The following TMTC2 variants were observed in gnomAD, a reference collection of about 807,000 sequenced individuals.
The protein encoded by TMTC2 is protein O-mannosyl-transferase TMTC2.
A neutral mutation model predicts 82.4 loss-of-function variants in TMTC2; 43 were observed. The ratio of observed to expected loss-of-function variants is 0.52; its 90% CI spans 0.41 to 0.67. TMTC2 has a LOEUF of 0.67. TMTC2 is among the 30% of genes least tolerant of loss of function. The pLI, the probability that TMTC2 is intolerant of heterozygous loss-of-function variation, is 0.00. For missense variants in TMTC2, 919 were observed against 1,012.4 expected, an observed-to-expected ratio of 0.91 and a Z score of 1.25; for synonymous variants, 408 against 381.9, an observed-to-expected ratio of 1.07 and a Z score of -0.80.
intron 8 of TMTC2, among the ~76,000 whole-genome samples, chr12:82,996,232 G>A (rs564216186): frequency 1.3e-5 from 2 of 152,282 alleles, no homozygotes; most frequent in African/African-American, 2.4e-5. Flanking sequence ...TGAATGTGAT[G>A]TATATAGTTT....
chr12:82,888,914 A>G (rs549597597), intron 2 of TMTC2, among the ~76,000 whole-genome samples: 1 of 152,234 alleles, frequency 6.6e-6, no homozygotes, highest in Non-Finnish European at 1.5e-5. Flanking sequence ...ATATTAGAAC[A>G]TGGAAAATAT....
At chr12:82,737,852 G>A (rs1875201213) in intron 1 of TMTC2, among the ~76,000 whole-genome samples, 1 of 152,120 alleles carries the variant, frequency 6.6e-6, no homozygotes, top group South Asian at 2.1e-4. Flanking sequence ...TGTTTCTAAT[G>A]CCTAAATACC....
At chr12:83,041,237 T>G (rs1881884175) in intron 9 of TMTC2, among the ~76,000 whole-genome samples, 1 of 152,154 alleles carries the variant, frequency 6.6e-6, no homozygotes, top group Admixed American at 6.5e-5. Context: ...AAGAATTGAA[T>G]TAAGATGTAG....
chr12:82,731,578 T>C (rs758336486), intron 1 of TMTC2, among the ~76,000 whole-genome samples: 25 of 152,216 alleles, frequency 1.6e-4, no homozygotes, highest in Non-Finnish European at 3.5e-4. Flanking sequence ...GACATAGAAA[T>C]ACTTGATAAT....
At chr12:83,068,224 C>T (rs1188537807) in intron 11 of TMTC2, among the ~76,000 whole-genome samples, 1 of 151,940 alleles carries the variant, frequency 6.6e-6, no homozygotes, top group African/African-American at 2.4e-5. Flanking sequence ...GTGGAAATAA[C>T]CACTAAGACT....
chr12:83,042,259 C>A (rs1229974202), intron 9 of TMTC2, among the ~76,000 whole-genome samples: 1 of 152,130 alleles, frequency 6.6e-6, no homozygotes, highest in Non-Finnish European at 1.5e-5. Context: ...CTCAGAGGAG[C>A]GGGCTCCTTT....
chr12:82,786,836 GTTT>G, intron 1 of TMTC2, among the ~76,000 whole-genome samples: 1 of 152,184 alleles, frequency 6.6e-6, no homozygotes, highest in Non-Finnish European at 1.5e-5. Context: ...TACAATAAAA[GTTT>G]TTGTTTTTGT....
intron 3 of TMTC2, among the ~76,000 whole-genome samples, chr12:82,925,241 AT>A (rs1373640429): frequency 1.3e-5 from 2 of 152,100 alleles, no homozygotes; most frequent in African/African-American, 4.8e-5. Flanking sequence ...CATTTATTTT[AT>A]TGTATAGATC....
At chr12:82,872,860 T>A (rs1281299825) in intron 2 of TMTC2, among the ~76,000 whole-genome samples, 2 of 152,182 alleles carry the variant, frequency 1.3e-5, no homozygotes, top group Admixed American at 6.6e-5. Context: ...TTGATTTTTT[T>A]AAAAATTACT....
chr12:83,050,737 G>A (rs1882315397), intron 9 of TMTC2, among the ~76,000 whole-genome samples, 167 bp from the exon 10 acceptor site: 1 of 152,038 alleles, frequency 6.6e-6, no homozygotes, highest in Admixed American at 6.6e-5. Context: ...ACCTTGAAAT[G>A]TTCCATAGTT....
intron 1 of TMTC2, among the ~76,000 whole-genome samples, chr12:82,723,549 C>T (rs1874307108): frequency 2.0e-5 from 3 of 152,142 alleles, no homozygotes; most frequent in Non-Finnish European, 4.4e-5. Context: ...GTTTCATGTA[C>T]ACCTCATATA....
chr12:83,000,142 T>G (rs1480270779), intron 8 of TMTC2, among the ~76,000 whole-genome samples: 6 of 10,570 alleles, frequency 5.7e-4, no homozygotes, highest in Admixed American at 2.5e-3. Context: ...GGGCAGTCAA[T>G]TTTTTTTTTT....
intron 4 of TMTC2, among the ~76,000 whole-genome samples, chr12:82,940,756 T>C (rs1336431325): frequency 7.0e-5 from 1 of 14,272 alleles, no homozygotes; most frequent in African/African-American, 5.6e-4. Flanking sequence ...TACCTATACA[T>C]CCTTTTTTTT....
intron 1 of TMTC2, among the ~76,000 whole-genome samples, chr12:82,830,311 C>T (rs546288995): frequency 6.6e-6 from 1 of 151,928 alleles, no homozygotes; most frequent in South Asian, 2.1e-4. Flanking sequence ...GTTAATTGAT[C>T]CTCGAACAAA....
intron 1 of TMTC2, among the ~76,000 whole-genome samples, chr12:82,701,973 T>C (rs1873105928): frequency 6.6e-6 from 1 of 152,164 alleles, no homozygotes. Context: ...GGTGATCTAC[T>C]ACCGGAGGCA....
rs948231868 is a variant in TMTC2 at position 83,134,778 on chromosome 12, G to C, written c.*2389G>C. On this transcript the variant is annotated 3_prime_UTR_variant, in exon 12 of 12. Transcript: ENST00000321196. Reference sequence around the variant, plus strand: ...AACTGTTATTTGTATAAATTATCAAGATTTGTAGGCTTTCCTTTTGTAGAA... The same window carrying C: ...AACTGTTATTTGTATAAATTATCAACATTTGTAGGCTTTCCTTTTGTAGAA... 1 of 152,122 alleles carries C rather than the reference G, an allele frequency of 6.6e-6. No homozygotes were observed. Among genetic ancestry groups the C allele is most frequent in the Non-Finnish European group, 1.5e-5 (1 of 68,002 alleles). 9.4% of individuals were successfully genotyped at this position (152,122 alleles called of 1,614,324 possible). A position where few individuals can be genotyped will look rare whatever the true frequency, so the allele number is the denominator to read the frequency against.
chr12:83,021,587 C>T (rs962390483), intron 8 of TMTC2, among the ~76,000 whole-genome samples: 28 of 119,402 alleles, frequency 2.3e-4, no homozygotes, highest in African/African-American at 7.3e-4. Context: ...AGAGTGAGAC[C>T]CCATCTATAA....
At chr12:82,843,275 C>T (rs1168647689) in intron 1 of TMTC2, among the ~76,000 whole-genome samples, 1 of 151,928 alleles carries the variant, frequency 6.6e-6, no homozygotes, top group Non-Finnish European at 1.5e-5. Flanking sequence ...TTAGTAGAGA[C>T]GGGGTTTCAC....
At chr12:82,802,278 G>A (rs771308179) in intron 1 of TMTC2, among the ~76,000 whole-genome samples, 2 of 152,186 alleles carry the variant, frequency 1.3e-5, no homozygotes, top group Non-Finnish European at 2.9e-5. Context: ...AGTGCAGGCC[G>A]CTGAGCCCAC....
Sources: gnomAD v4.1 joint callset for allele counts (sites outside exome capture counted in the v4.1 genomes callset) on GRCh38, gnomAD v4.1.1 for gene constraint, MANE v1.5 for transcripts, NCBI Gene and HGNC (gene_info 2026-07-23, HGNC 2026-07-21) for gene names.